The following DPF3 variants were observed in gnomAD, a reference collection of about 807,000 sequenced individuals.
The protein encoded by DPF3 is double PHD fingers 3.
DPF3 carries 18 observed loss-of-function variants against 56.8 expected under a neutral mutation model. The observed-to-expected ratio is 0.32, with a 90% confidence interval of 0.22 to 0.47. The LOEUF (loss-of-function observed/expected upper bound fraction) is 0.47. DPF3 is among the 20% of genes least tolerant of loss of function. The pLI, the probability that DPF3 is intolerant of heterozygous loss-of-function variation, is 1.00. For synonymous variants in DPF3, 188 were observed against 180.2 expected, an observed-to-expected ratio of 1.04 and a Z score of -0.35; for missense variants, 403 against 488.8, an observed-to-expected ratio of 0.82 and a Z score of 1.65.
intron 7 of DPF3, chr14:72,675,385 A>C (rs1886865749): frequency 6.6e-6 from 1 of 152,202 alleles, no homozygotes; most frequent in African/African-American, 2.4e-5. Flanking sequence ...GTTTGTAACT[A>C]AGAAGAAAAG....
chr14:72,894,084 G>T lies in DPF3; in HGVS notation c.5C>A (p.Ala2Glu), dbSNP rs180963706. 3 of 1,599,304 alleles carry T rather than the reference G, an allele frequency of 1.9e-6. No individual in the cohort carries two copies. The highest frequency in any genetic ancestry group is 2.3e-5 in the East Asian group (1 of 44,120). The change falls in exon 1 of 11, where the codon GCG becomes GAG. Residue 2 changes from alanine (A) to glutamate (E), a missense_variant. This residue lies in a region of DPF3 where 340 missense variants were observed against 374.3 expected (regional missense o/e 0.91). Coordinates refer to ENST00000556509, the MANE Select transcript of DPF3 (RefSeq NM_001280542.3). ...TTTCAGGGGGTTGTGAATGACAGTC[G>T]CCATTTTGCTACAATGTAACAGAAT... M[A>E]TVIHNPLKAL...
intron 1 of DPF3, among the ~76,000 whole-genome samples, chr14:72,821,592 A>G (rs1282828303): frequency 1.3e-5 from 2 of 152,194 alleles, no homozygotes; most frequent in Admixed American, 6.5e-5. Flanking sequence ...CGTATACACT[A>G]TATAAGAACC....
At chr14:72,861,641 C>G (rs1436006463) in intron 1 of DPF3, among the ~76,000 whole-genome samples, 2 of 151,312 alleles carry the variant, frequency 1.3e-5, no homozygotes, top group African/African-American at 4.9e-5. Context: ...ACATTTGGTG[C>G]ACGAGAACTT....
At position 72,839,422 on chromosome 14, in the gene DPF3, G is replaced by A. The variant is rs559984531; in HGVS notation, c.32+54635C>T. ...GTGGAAGTCACATTACCAGCCCACC[G>A]AATAAGCCACAACTATGAGTTCTTC... On this transcript the variant is annotated intron_variant, in intron 1 of 10. Coordinates refer to ENST00000556509, the MANE Select transcript of DPF3 (RefSeq NM_001280542.3). 2.4e-3 allele frequency among the ~76,000 whole-genome samples: 370 copies of A among 152,284 alleles called. 3 individuals are homozygous for A. Among genetic ancestry groups the A allele is most frequent in the African/African-American group, 8.3e-3 (347 of 41,566 alleles).
intron 3 of DPF3, among the ~76,000 whole-genome samples, chr14:72,740,399 C>T (rs997450774): frequency 3.3e-5 from 5 of 152,164 alleles, no homozygotes; most frequent in Admixed American, 6.5e-5. Flanking sequence ...AAATGTATGT[C>T]GTCTCTTAAT....
At position 72,861,066 on chromosome 14, in the gene DPF3, CACAG is replaced by C. The variant is rs1217382997; in HGVS notation, c.32+32987_32+32990del. Among the ~76,000 whole-genome samples the C allele has an allele frequency of 6.4e-5, 9 of 140,732 alleles. No homozygotes were observed. In the South Asian group the frequency reaches 6.7e-4, roughly 10 times the overall value. 92.3% of individuals were successfully genotyped at this position (140,732 alleles called of 152,430 possible). A position where few individuals can be genotyped will look rare whatever the true frequency, so the allele number is the denominator to read the frequency against. On this transcript the variant is annotated intron_variant, in intron 1 of 10. Coordinates refer to ENST00000556509, the MANE Select transcript of DPF3 (RefSeq NM_001280542.3). ...ACACACACACACACACACACACACA[CACAG>C]ACACATACACACTTCCTTTCTCTCC...
At chr14:72,718,050 T>C (rs1889003849) in intron 5 of DPF3, among the ~76,000 whole-genome samples, 1 of 152,274 alleles carries the variant, frequency 6.6e-6, no homozygotes. Flanking sequence ...CCCTAGCTAG[T>C]ATAGGCCACT....
chr14:72,636,764 C>T (rs1435992399), intron 8 of DPF3, among the ~76,000 whole-genome samples: 1 of 152,204 alleles, frequency 6.6e-6, no homozygotes, highest in African/African-American at 2.4e-5. Flanking sequence ...GCTGAAGACA[C>T]CTGCAAATCG....
chr14:72,889,001 A>G (rs1209134521), intron 1 of DPF3, among the ~76,000 whole-genome samples: 1 of 152,210 alleles, frequency 6.6e-6, no homozygotes, highest in African/African-American at 2.4e-5. Context: ...CATGCTGACC[A>G]TGACATTTTA....
chr14:72,693,145 C>G lies in DPF3; in HGVS notation c.673G>C (p.Glu225Gln). 1.2e-6 allele frequency: 2 copies of G among 1,614,024 alleles called. No individual in the cohort carries two copies. The highest frequency in any genetic ancestry group is 2.2e-5 in the South Asian group (2 of 91,084). ...YHYAHTHLAS[E>Q]EGDEAQDQET... ...TGGTCTTGAGCTTCATCCCCCTCCT[C>G]GCTGGCCAGGTGAGTGTGAGCATAG... The change falls in exon 7 of 11, where the codon GAG (glutamate) becomes CAG (glutamine). Residue 225 changes from glutamate to glutamine, a missense_variant. Glu to Gln is a conservative substitution (Grantham distance 29, BLOSUM62 2). Around this residue, in one of 2 missense-constraint regions of DPF3, gnomAD observed 340 missense variants for 374.3 expected, o/e 0.91. Coordinates refer to ENST00000556509, the MANE Select transcript of DPF3 (RefSeq NM_001280542.3).
At position 72,610,791 on chromosome 14, in the gene DPF3, C is replaced by T. The variant is rs1304638213; in HGVS notation, c.*8506G>A. On this transcript the variant is annotated 3_prime_UTR_variant, in exon 11 of 11. Coordinates refer to ENST00000556509, the MANE Select transcript of DPF3 (RefSeq NM_001280542.3). Reference sequence around the variant, plus strand: ...GGTTCATCCCTCAAGGAGCTGGGGACCTGAGGGCTCAGGGCCCACCACTGG... The same window carrying T: ...GGTTCATCCCTCAAGGAGCTGGGGATCTGAGGGCTCAGGGCCCACCACTGG... Among the ~76,000 whole-genome samples the T allele has an allele frequency of 6.6e-6, 1 of 152,146 alleles. No homozygotes were observed. The highest frequency in any genetic ancestry group is 1.5e-5 in the Non-Finnish European group (1 of 68,028).
chr14:72,752,484 GA>G (rs529933343), intron 3 of DPF3, among the ~76,000 whole-genome samples: 270 of 152,304 alleles, frequency 1.8e-3, no homozygotes, highest in Non-Finnish European at 3.3e-3. Context: ...CCAACATGGT[GA>G]AACACTGTCT....
At chr14:72,636,261 T>C (rs530862408) in intron 8 of DPF3, among the ~76,000 whole-genome samples, 1 of 152,360 alleles carries the variant, frequency 6.6e-6, no homozygotes, top group South Asian at 2.1e-4. Flanking sequence ...AAATTCCTGG[T>C]ATTTACAAAT....
intron 1 of DPF3, among the ~76,000 whole-genome samples, chr14:72,864,772 T>C (rs1885596434): frequency 6.6e-6 from 1 of 152,320 alleles, no homozygotes; most frequent in East Asian, 1.9e-4. Context: ...GCAATGCCTT[T>C]CCTGTGGGGA....
chr14:72,891,090 T>C (rs1886733593), intron 1 of DPF3, among the ~76,000 whole-genome samples: 1 of 152,202 alleles, frequency 6.6e-6, no homozygotes, highest in African/African-American at 2.4e-5. Context: ...TTCAAAATTG[T>C]GCCATCCCAT....
In DPF3 at chr14:72,755,269, C is replaced by A. The variant is rs562655588; in HGVS notation, c.194-1898G>T. Among the ~76,000 whole-genome samples, 11 of 152,330 alleles carry A rather than the reference C, an allele frequency of 7.2e-5. No individual in the cohort carries two copies. The South Asian group carries it at 2.3e-3, about 32-fold the overall frequency. ...TGTCCACACTTGTCCAGGTCCTACA[C>A]CCTCCCTGAGACAGCAGTCACTGTG... On this transcript the variant is annotated intron_variant, in intron 2 of 10. Coordinates refer to ENST00000556509, the MANE Select transcript of DPF3 (RefSeq NM_001280542.3).
chr14:72,677,291 A>G (rs776220784), intron 7 of DPF3, among the ~76,000 whole-genome samples: 1 of 152,236 alleles, frequency 6.6e-6, no homozygotes, highest in Non-Finnish European at 1.5e-5. Flanking sequence ...CTTTCTTACA[A>G]CAGTGAGCTC....
chr14:72,759,959 C>T (rs150616443), intron 2 of DPF3, among the ~76,000 whole-genome samples: 287 of 152,172 alleles, frequency 1.9e-3, no homozygotes, highest in Middle Eastern at 6.8e-3. Flanking sequence ...AAGATAGTTT[C>T]AGATATACAA....
intron 7 of DPF3, among the ~76,000 whole-genome samples, chr14:72,688,306 G>A (rs1234560077): frequency 9.6e-6 from 1 of 104,490 alleles, no homozygotes; most frequent in Non-Finnish European, 1.9e-5. Context: ...TGGGTGGGTG[G>A]GTGGGTGGGT....
Sources: allele counts gnomAD v4.1 joint callset (sites outside exome capture counted in the v4.1 genomes callset), GRCh38; gene constraint gnomAD v4.1.1; regional missense constraint gnomAD v4.1.1; transcripts MANE v1.5; gene names NCBI Gene and HGNC (gene_info 2026-07-23, HGNC 2026-07-21).